The following PIK3C2B variants were observed in gnomAD, a reference collection of about 807,000 sequenced individuals.
The protein encoded by PIK3C2B is phosphatidylinositol-4-phosphate 3-kinase catalytic subunit type 2 beta.
A neutral mutation model predicts 184.3 loss-of-function variants in PIK3C2B; 83 were observed. That is an observed-to-expected ratio of 0.45 (90% CI 0.38 to 0.54). The LOEUF (loss-of-function observed/expected upper bound fraction) is 0.54, where lower values mean the gene tolerates loss of function less well. Among genes scored for constraint, PIK3C2B ranks in the 20% least tolerant of loss-of-function variants. The pLI, the probability that PIK3C2B is intolerant of heterozygous loss-of-function variation, is 0.00. For missense variants in PIK3C2B, 1,736 were observed against 2,113.5 expected, an observed-to-expected ratio of 0.82 and a Z score of 3.50; for synonymous variants, 779 against 837.6, an observed-to-expected ratio of 0.93 and a Z score of 1.21.
At chr1:204,464,277 AG>A (rs1328526756) in intron 4 of PIK3C2B, 145 bp from the exon 5 acceptor site, 5 of 1,164,460 alleles carry the variant, frequency 4.3e-6, no homozygotes, top group Non-Finnish European at 3.7e-6. Flanking sequence ...TTCAGAGTTG[AG>A]GAAAGTGACT....
At position 204,457,072 on chromosome 1, in the gene PIK3C2B, T is replaced by C; in HGVS notation, c.1714-2A>G. ...CCTCACAGCCAAGACACTGGGATCC[T>C]GTTGGGAAAAAGAAGAGGGAGGGGA... On this transcript the variant is annotated splice_acceptor_variant, in intron 9 of 32. Coordinates refer to ENST00000684373, the MANE Select transcript of PIK3C2B (RefSeq NM_001377334.1). LOFTEE classifies it high-confidence loss of function. 1.3e-6 allele frequency: 2 copies of C among 1,562,330 alleles called. No homozygotes were observed. Among genetic ancestry groups the C allele is most frequent in the Non-Finnish European group, 1.7e-6 (2 of 1,151,936 alleles).
In PIK3C2B at chr1:204,457,048, C is replaced by A; in HGVS notation, c.1736G>T (p.Arg579Met). 1 of 1,567,150 alleles carries A rather than the reference C, an allele frequency of 6.4e-7. No individual in the cohort carries two copies. The highest frequency in any genetic ancestry group is 2.4e-5 in the East Asian group (1 of 42,544). ...IQKDPSVLAV[R>M]ENREKVVEAL... is the part of the protein sequence containing the mutation. ...AGCAGTTCCCTTACCTCGGTTTTCC[C>A]TCACAGCCAAGACACTGGGATCCTG... Residue 579 changes from arginine (R) to methionine (M), a missense_variant, in exon 10 of 33, where the codon AGG becomes ATG. This residue lies in a region of PIK3C2B where 609 missense variants were observed against 699.2 expected (regional missense o/e 0.87). Transcript: ENST00000684373.
At chr1:204,486,372 GTGAC>G (rs1456843749) in intron 1 of PIK3C2B, among the ~76,000 whole-genome samples, 1 of 145,196 alleles carries the variant, frequency 6.9e-6, no homozygotes, top group African/African-American at 2.6e-5. Flanking sequence ...TCCAGCCTGG[GTGAC>G]AGAGTGAGAC....
At chr1:204,490,744 T>A (rs564845493) in intron 1 of PIK3C2B, among the ~76,000 whole-genome samples, 1 of 150,024 alleles carries the variant, frequency 6.7e-6, no homozygotes. Flanking sequence ...GGCAACATAG[T>A]GAAATCCTGT....
At chr1:204,442,470 C>T in intron 20 of PIK3C2B, 56 bp downstream of exon 20, 1 of 1,151,820 alleles carries the variant, frequency 8.7e-7, no homozygotes. Flanking sequence ...TTAGTGAAGA[C>T]CTCACCTCCA....
chr1:204,468,738 G>T (rs781638566), intron 2 of PIK3C2B, 132 bp downstream of exon 2: 14 of 771,336 alleles, frequency 1.8e-5, no homozygotes, highest in Non-Finnish European at 2.8e-5. Context: ...CAGGGCCAGG[G>T]TCCCAAAGAG....
At chr1:204,460,298 A>G in intron 7 of PIK3C2B, 26 bp downstream of exon 7, 1 of 1,562,166 alleles carries the variant, frequency 6.4e-7, no homozygotes, top group East Asian at 2.2e-5. Context: ...TGTTTGGAGC[A>G]CATCCAAGAT....
At chr1:204,459,830 G>A (rs764641172) in intron 8 of PIK3C2B, 48 bp downstream of exon 8, 2 of 1,483,104 alleles carry the variant, frequency 1.3e-6, no homozygotes, top group Admixed American at 1.7e-5. Flanking sequence ...AGGAAGGGGA[G>A]AGGAGGAGCT....
In PIK3C2B at chr1:204,434,446, T is replaced by C. The variant is rs1675234195; in HGVS notation, c.3679A>G (p.Ile1227Val). ...CTTCAGGAGATCACTTACCGCTTGA[T>C]GTTGCCAAACATCTGGGCATGGCCC... ...FLGHAQMFGN[I>V]KRDRAPFVFT... is the part of the protein sequence containing the mutation. The change falls in exon 24 of 33, where the codon ATC (isoleucine) becomes GTC (valine). Residue 1227 changes from isoleucine (I) to valine (V), a missense_variant. Coordinates refer to ENST00000684373, the MANE Select transcript of PIK3C2B (RefSeq NM_001377334.1). The C allele has an allele frequency of 1.2e-6, 2 of 1,614,146 alleles. No individual in the cohort carries two copies. Among genetic ancestry groups the C allele is most frequent in the East Asian group, 2.2e-5 (1 of 44,884 alleles).
chr1:204,465,451 C>G lies in PIK3C2B; in HGVS notation c.934-132G>C, dbSNP rs2103510575. 3.1e-6 allele frequency: 2 copies of G among 649,018 alleles called. 1 individual carries two copies. Among genetic ancestry groups the G allele is most frequent in the African/African-American group, 3.6e-5 (2 of 54,870 alleles). The allele number at this position is 649,018 out of a possible 1,614,324, so 40.2% of individuals were successfully genotyped here. ...CACTCGACATCCAATGAAAGGGGCA[C>G]AAGAACATATGGGACATCCGGGAAT... On this transcript the variant is annotated intron_variant, in intron 2 of 32. Coordinates refer to ENST00000684373, the MANE Select transcript of PIK3C2B (RefSeq NM_001377334.1).
At chr1:204,425,828 ACT>A in intron 31 of PIK3C2B, 87 bp from the exon 32 acceptor site, 1 of 1,263,240 alleles carries the variant, frequency 7.9e-7, no homozygotes, top group Admixed American at 1.9e-5. Flanking sequence ...TCTGATCCAG[ACT>A]CTCATCTGCC....
Position 204,425,677 on chromosome 1 carries a change from T to C in PIK3C2B, c.4652A>G (p.Gln1551Arg). 2 of 1,614,120 alleles carry C rather than the reference T, an allele frequency of 1.2e-6. No individual in the cohort carries two copies. The highest frequency in any genetic ancestry group is 1.7e-6 in the Non-Finnish European group (2 of 1,179,960). ...YVKIYLLPDP[Q>R]KTTKRKTKVA... The stretch of plus-strand genomic sequence containing the variant: ...TTTGGTTTTCCTCTTAGTGGTTTTC[T>C]GAGGGTCAGGAAGGAGGTAAATTTT... Residue 1551 changes from glutamine (Q) to arginine (R), a missense_variant, in exon 32 of 33, where the codon CAG becomes CGG. Gln to Arg is a conservative substitution (Grantham distance 43). Transcript: ENST00000684373.
Position 204,486,587 on chromosome 1 carries a change from G to A in PIK3C2B, c.-85+7769C>T, listed in dbSNP as rs750175435. On this transcript the variant is annotated intron_variant, in intron 1 of 32. Coordinates refer to ENST00000684373, the MANE Select transcript of PIK3C2B (RefSeq NM_001377334.1). The stretch of plus-strand genomic sequence containing the variant: ...CTCTACAAAAATACAAAAAGTAGCC[G>A]GGCATGAAGGCAGGTGCCTGTAATC... Among the ~76,000 whole-genome samples, 60 of 151,990 alleles carry A rather than the reference G, an allele frequency of 3.9e-4. 1 individual carries two copies. Among genetic ancestry groups the A allele is most frequent in the Admixed American group, 5.2e-4 (8 of 15,252 alleles).
chr1:204,476,342 C>CG (rs531021724), intron 1 of PIK3C2B, among the ~76,000 whole-genome samples: 6 of 151,900 alleles, frequency 3.9e-5, no homozygotes, highest in Non-Finnish European at 5.9e-5. Flanking sequence ...GAAGCCGAGG[C>CG]GGGGGGATTG....
In PIK3C2B at chr1:204,457,772, G is replaced by C. The variant is rs750509470; in HGVS notation, c.1669C>G (p.Gln557Glu). ...ETPEITSALNQLPPCPSRMQP... is the reference protein window; with the variant it reads ...ETPEITSALNELPPCPSRMQP... ...ATGCGGGAGGGGCAGGGGGGCAGCT[G>C]GTTGAGAGCACTGGTGATCTCAGGG... The change falls in exon 9 of 33, where the codon CAG becomes GAG. Residue 557 changes from glutamine (Q) to glutamate (E), a missense_variant. Coordinates refer to ENST00000684373, the MANE Select transcript of PIK3C2B (RefSeq NM_001377334.1). 9.3e-6 allele frequency: 15 copies of C among 1,613,072 alleles called. No homozygotes were observed. Among genetic ancestry groups the C allele is most frequent in the Admixed American group, 5.0e-5 (3 of 59,824 alleles).
chr1:204,432,723 A>G (rs1397628962), intron 26 of PIK3C2B, among the ~76,000 whole-genome samples: 1 of 152,242 alleles, frequency 6.6e-6, no homozygotes, highest in Non-Finnish European at 1.5e-5. Flanking sequence ...GTTCATTACA[A>G]TAGAACCTCA....
chr1:204,459,894 G>C lies in PIK3C2B; in HGVS notation c.1550C>G (p.Ala517Gly). ...LFDTYHNEVD[A>G]FLLADGDFPL... Reference sequence around the variant, plus strand: ...CGTACTCACATCAGCCAGCAGGAAGGCATCCACCTCATTGTGGTAAGTGTC... The same window carrying C: ...CGTACTCACATCAGCCAGCAGGAAGCCATCCACCTCATTGTGGTAAGTGTC... The change falls in exon 8 of 33, where the codon GCC (alanine) becomes GGC (glycine). Residue 517 changes from alanine (A) to glycine (G), a missense_variant. By Grantham distance (60) the Ala-to-Gly change is moderately conservative. Coordinates refer to ENST00000684373, the MANE Select transcript of PIK3C2B (RefSeq NM_001377334.1). The C allele has an allele frequency of 3.7e-6, 6 of 1,613,754 alleles. No homozygotes were observed. Among genetic ancestry groups the C allele is most frequent in the Non-Finnish European group, 5.1e-6 (6 of 1,179,920 alleles).
chr1:204,431,258 G>T, intron 28 of PIK3C2B: 2 of 249,128 alleles, frequency 8.0e-6, no homozygotes, highest in Non-Finnish European at 1.6e-5. Flanking sequence ...TTTGTGACTG[G>T]CTTATTTCAC....
chr1:204,428,245 C>T, intron 29 of PIK3C2B, 25 bp from the exon 30 acceptor site: 4 of 1,466,352 alleles, frequency 2.7e-6, no homozygotes, highest in Non-Finnish European at 3.8e-6. Context: ...GAAACAGGGC[C>T]ATTCTTCAAT....
Sources: allele counts gnomAD v4.1 joint callset (sites outside exome capture counted in the v4.1 genomes callset), GRCh38; gene constraint gnomAD v4.1.1; regional missense constraint gnomAD v4.1.1; transcripts MANE v1.5; gene names NCBI Gene and HGNC (gene_info 2026-07-23, HGNC 2026-07-21).